Variants in VPS8 observed in about 807,000 individuals in gnomAD.
The protein encoded by VPS8 is vacuolar protein sorting-associated protein 8 homolog.
VPS8 carries 129 observed loss-of-function variants against 216.4 expected under a neutral mutation model. The ratio of observed to expected loss-of-function variants is 0.60; its 90% confidence interval spans 0.52 to 0.69. VPS8 has a LOEUF of 0.69. Among genes scored for constraint, VPS8 ranks in the 30% least tolerant of loss-of-function variants. The pLI is 0.00. For missense variants in VPS8, 1,531 were observed against 1,683.5 expected (o/e 0.91, Z 1.59); for synonymous variants, 571 against 565.4 (o/e 1.01, Z -0.14).
rs752362260 is a variant in VPS8 at position 184,834,677 on chromosome 3, C to T, written c.382C>T (p.Leu128Phe). The T allele has an allele frequency of 3.9e-6, 6 of 1,550,510 alleles. No homozygotes were observed. The highest frequency in any genetic ancestry group is 5.2e-6 in the Non-Finnish European group (6 of 1,147,208). Residue 128 changes from leucine (L) to phenylalanine (F), a missense_variant, in exon 5 of 48, where the codon CTT (leucine) becomes TTT (phenylalanine). This residue lies in a region of VPS8 where 199 missense variants were observed against 182.2 expected (regional missense o/e 1.09). Transcript: ENST00000625842. ...GAAGAAATTACCTGATTCTTTTTCACTTCATGGATCAGTTATGCGCCATTC... is the reference window on the plus strand; with the variant it reads ...GAAGAAATTACCTGATTCTTTTTCATTTCATGGATCAGTTATGCGCCATTC... ...RKKKLPDSFS[L>F]HGSVMRHSLL...
chr3:185,050,747 TGGTAGACACAGACAG>T (rs1312713339), intron 47 of VPS8, among the ~76,000 whole-genome samples: 2 of 152,156 alleles, frequency 1.3e-5, no homozygotes, highest in African/African-American at 4.8e-5. Context: ...CTGGAGTGTT[TGGTAGACACAGACAG>T]GGCTGCCCTG....
intron 3 of VPS8, among the ~76,000 whole-genome samples, chr3:184,831,830 A>T (rs1224988302): frequency 6.6e-6 from 1 of 152,130 alleles, no homozygotes; most frequent in Non-Finnish European, 1.5e-5. Context: ...TTGATAGTGC[A>T]ATAGCCCTCT....
intron 15 of VPS8, among the ~76,000 whole-genome samples, chr3:184,861,646 A>C (rs893625531): frequency 6.6e-6 from 1 of 152,238 alleles, no homozygotes; most frequent in African/African-American, 2.4e-5. Context: ...AAAAATCTGC[A>C]GAAGTGTATG....
intron 36 of VPS8, among the ~76,000 whole-genome samples, chr3:184,953,080 A>G (rs1177232507): frequency 1.3e-5 from 2 of 152,218 alleles, no homozygotes; most frequent in Non-Finnish European, 2.9e-5. Flanking sequence ...TCAATTTTTA[A>G]GATGGGGTCT....
At chr3:184,946,704 C>T (rs886148130) in intron 36 of VPS8, among the ~76,000 whole-genome samples, 1 of 152,130 alleles carries the variant, frequency 6.6e-6, no homozygotes, top group Non-Finnish European at 1.5e-5. Flanking sequence ...TGCTGACCTA[C>T]GTGTTCATCA....
intron 25 of VPS8, among the ~76,000 whole-genome samples, chr3:184,911,752 G>A (rs115563729): frequency 0.031 from 4,713 of 152,144 alleles, 258 homozygotes; most frequent in African/African-American, 0.11. Context: ...GCTCCATCTG[G>A]CCCCCTTGAT....
At chr3:184,824,930 G>C (rs1225444997) in intron 2 of VPS8, 145 bp downstream of exon 2, 2 of 707,740 alleles carry the variant, frequency 2.8e-6, no homozygotes, top group Non-Finnish European at 4.6e-6. Flanking sequence ...TTTGGATACA[G>C]GGTCTCACTC....
chr3:185,045,813 T>G (rs948968808), intron 46 of VPS8, among the ~76,000 whole-genome samples: 6 of 151,676 alleles, frequency 4.0e-5, no homozygotes, highest in Non-Finnish European at 7.4e-5. Context: ...AAAGCCCTGA[T>G]TTGTTTTCTT....
chr3:184,950,791 C>A (rs532426328), intron 36 of VPS8, among the ~76,000 whole-genome samples: 2 of 152,050 alleles, frequency 1.3e-5, no homozygotes, highest in East Asian at 1.9e-4. Context: ...TCGTTCAGCT[C>A]CCTCTTATGA....
chr3:184,835,910 C>T (rs534484779), intron 5 of VPS8, among the ~76,000 whole-genome samples: 4 of 152,040 alleles, frequency 2.6e-5, no homozygotes, highest in South Asian at 4.2e-4. Context: ...ACGGTTTCAA[C>T]GTGTTAGCCA....
intron 15 of VPS8, among the ~76,000 whole-genome samples, chr3:184,860,847 A>T (rs1577946770): frequency 2.1e-5 from 3 of 141,092 alleles, no homozygotes; most frequent in South Asian, 2.3e-4. Flanking sequence ...TTTGAGATGG[A>T]GTCTTGCTCT....
At chr3:184,972,208 C>T (rs980079758) in intron 40 of VPS8, among the ~76,000 whole-genome samples, 4 of 152,162 alleles carry the variant, frequency 2.6e-5, no homozygotes, top group African/African-American at 9.7e-5. Flanking sequence ...AGGAGACTCC[C>T]GAAGTTACTA....
At chr3:185,002,271 TTTC>T (rs941708522) in intron 45 of VPS8, among the ~76,000 whole-genome samples, 1 of 152,164 alleles carries the variant, frequency 6.6e-6, no homozygotes, top group African/African-American at 2.4e-5. Context: ...TATTCCAAGT[TTTC>T]TTGAGAAATT....
intron 36 of VPS8, among the ~76,000 whole-genome samples, chr3:184,954,807 T>C (rs1745296359): frequency 6.6e-6 from 1 of 152,154 alleles, no homozygotes; most frequent in Non-Finnish European, 1.5e-5. Context: ...AAGAAAATAG[T>C]TAAAATAAGA....
intron 1 of VPS8, among the ~76,000 whole-genome samples, chr3:184,815,511 T>C (rs1446074374): frequency 2.6e-5 from 4 of 152,142 alleles, no homozygotes; most frequent in Non-Finnish European, 5.9e-5. Flanking sequence ...TGTATATAAA[T>C]GCATAAAAGA....
At chr3:184,829,970 T>C (rs1049264937) in intron 3 of VPS8, among the ~76,000 whole-genome samples, 3 of 152,238 alleles carry the variant, frequency 2.0e-5, no homozygotes, top group African/African-American at 7.2e-5. Context: ...CTTTTCACTC[T>C]ATTAATGGTT....
chr3:184,930,564 T>C lies in VPS8; in HGVS notation c.2894T>C (p.Ile965Thr), dbSNP rs571654838. 2.1e-5 allele frequency: 34 copies of C among 1,611,558 alleles called. No individual in the cohort carries two copies. The highest frequency in any genetic ancestry group is 2.5e-5 in the Non-Finnish European group (30 of 1,177,768). Residue 965 changes from isoleucine to threonine, a missense_variant, in exon 34 of 48, where the codon ATT becomes ACT. Physicochemically the swap from Ile to Thr is moderately conservative, Grantham distance 89 (BLOSUM62 -1). Transcript: ENST00000625842. Reference protein sequence around the residue: ...QSVWQKAMDHIEELVSLKPCK... With the variant: ...QSVWQKAMDHTEELVSLKPCK... ...GTATGGCAGAAAGCAATGGATCATA[T>C]TGAGGTACTGATGCGCAAAACTTCA...
At chr3:184,890,424 T>G (rs1160048326) in intron 22 of VPS8, among the ~76,000 whole-genome samples, 1 of 152,116 alleles carries the variant, frequency 6.6e-6, no homozygotes, top group Non-Finnish European at 1.5e-5. Flanking sequence ...TATGTTGTTT[T>G]TATAGGCAGT....
At chr3:184,860,825 GT>G (rs35831025) in intron 15 of VPS8, among the ~76,000 whole-genome samples, 47 of 142,066 alleles carry the variant, frequency 3.3e-4, no homozygotes, top group Non-Finnish European at 3.7e-4. Context: ...TGACTTCTTG[GT>G]TTTTTTTTTT....
Sources: allele counts gnomAD v4.1 joint callset (sites outside exome capture counted in the v4.1 genomes callset), GRCh38; gene constraint gnomAD v4.1.1; regional missense constraint gnomAD v4.1.1; transcripts MANE v1.5; gene names NCBI Gene and HGNC (gene_info 2026-07-23, HGNC 2026-07-21).